Variants in ZFP1 observed in about 807,000 individuals in gnomAD.
ZFP1 encodes the protein ZFP1 zinc finger protein.
In ZFP1, 32 loss-of-function variants were observed where a neutral mutation model predicts 38.5. The ratio of observed to expected loss-of-function variants is 0.83; its 90% CI spans 0.63 to 1.12. The LOEUF (loss-of-function observed/expected upper bound fraction) is 1.12. ZFP1 is among the 50% of genes most tolerant of loss of function. ZFP1 has a pLI of 0.00. For synonymous variants in ZFP1, 245 were observed against 168.8 expected (o/e 1.45, Z -3.50); for missense variants, 616 against 480.8 (o/e 1.28, Z -2.63).
the ZFP1 span, among the ~76,000 whole-genome samples, chr16:75,121,240 A>G: frequency 6.2e-3 from 927 of 149,972 alleles, 6 homozygotes; most frequent in Admixed American, 0.014. Context: ...TCTGTACTCC[A>G]GAGAGTACAG....
At chr16:75,160,656 C>CAA (rs71158584) in intron 2 of ZFP1, among the ~76,000 whole-genome samples, 3 of 101,558 alleles carry the variant, frequency 3.0e-5, no homozygotes, top group Admixed American at 1.0e-4. Flanking sequence ...GAGACTGCCT[C>CAA]AAAAAAAAAA....
intron 1 of ZFP1, among the ~76,000 whole-genome samples, chr16:75,151,769 G>T (rs1294136431): frequency 1.8e-5 from 1 of 55,202 alleles, no homozygotes; most frequent in African/African-American, 3.8e-5. Flanking sequence ...TCATTTTAAC[G>T]ATTCTCGAGA....
the ZFP1 span, among the ~76,000 whole-genome samples, chr16:75,119,034 T>C: frequency 4.6e-5 from 7 of 152,208 alleles, no homozygotes; most frequent in Non-Finnish European, 1.5e-5. Flanking sequence ...CTTACGTATG[T>C]TGAGTGACGT....
the ZFP1 span, among the ~76,000 whole-genome samples, chr16:75,123,360 A>T: frequency 1.1e-4 from 15 of 141,726 alleles, no homozygotes; most frequent in African/African-American, 4.1e-4. Flanking sequence ...TAAAATATAT[A>T]TATGTGTATA....
intron 2 of ZFP1, among the ~76,000 whole-genome samples, chr16:75,155,369 A>G (rs1295514744): frequency 6.6e-6 from 1 of 152,214 alleles, no homozygotes; most frequent in Non-Finnish European, 1.5e-5. Context: ...CCTGAGCTCA[A>G]GCAATCCATG....
At chr16:75,162,421 C>G (rs1379463043) in intron 2 of ZFP1, among the ~76,000 whole-genome samples, 1 of 152,116 alleles carries the variant, frequency 6.6e-6, no homozygotes, top group East Asian at 1.9e-4. Flanking sequence ...TGCGTCCAGC[C>G]CAAGTATAGG....
intron 3 of ZFP1, among the ~76,000 whole-genome samples, chr16:75,168,610 T>G (rs1038166824): frequency 1.3e-5 from 2 of 152,180 alleles, no homozygotes; most frequent in African/African-American, 4.8e-5. Context: ...GTGTATCTCT[T>G]AGCGAATGAG....
At chr16:75,146,763 A>G (rs573275294), upstream of ZFP1, among the ~76,000 whole-genome samples, 1 of 152,132 alleles carries the variant, frequency 6.6e-6, no homozygotes, top group South Asian at 2.1e-4. Flanking sequence ...ACATGGCAAA[A>G]TGCCATCTCT....
chr16:75,119,400 CT>C, the ZFP1 span, among the ~76,000 whole-genome samples: 12,547 of 148,934 alleles, frequency 0.084, 628 homozygotes, highest in Admixed American at 0.13. Flanking sequence ...TACAACTCCT[CT>C]TTTTTTTTTG....
At chr16:75,149,247 C>T (rs1009261670) in intron 1 of ZFP1, 1 of 152,182 alleles carries the variant, frequency 6.6e-6, no homozygotes, top group Admixed American at 6.5e-5. Context: ...CCTAAGGTCT[C>T]ACAACCCGGT....
intron 1 of ZFP1, among the ~76,000 whole-genome samples, chr16:75,150,273 A>G (rs1277274246): frequency 6.9e-6 from 1 of 144,296 alleles, no homozygotes; most frequent in South Asian, 2.2e-4. Flanking sequence ...CAGTAGCGAG[A>G]TCTCGGCTCA....
intron 2 of ZFP1, among the ~76,000 whole-genome samples, chr16:75,162,084 C>G (rs184267196): frequency 2.6e-5 from 4 of 151,402 alleles, no homozygotes; most frequent in African/African-American, 9.7e-5. Context: ...CGTGCCCAGC[C>G]GAAATATTTT....
In ZFP1 at chr16:75,166,878, A is replaced by G; in HGVS notation, c.124A>G (p.Ser42Gly). 1 of 1,613,996 alleles carries G rather than the reference A, an allele frequency of 6.2e-7. No individual in the cohort carries two copies. The highest frequency in any genetic ancestry group is 8.5e-7 in the Non-Finnish European group (1 of 1,179,854). ...LYMDVMLENY[S>G]NLLSVEVWKA... ...CATGGATGTGATGCTGGAGAATTAT[A>G]GCAACTTACTTTCAGTGGGTAAGGA... The change falls in exon 3 of 4, where the codon AGC becomes GGC. Residue 42 changes from serine to glycine, a missense_variant. By Grantham distance (56) the Ser-to-Gly change is moderately conservative (BLOSUM62 0). Coordinates refer to ENST00000570010, the MANE Select transcript of ZFP1 (RefSeq NM_153688.4).
chr16:75,165,673 C>G (rs1209435180), intron 2 of ZFP1, among the ~76,000 whole-genome samples: 2 of 152,056 alleles, frequency 1.3e-5, no homozygotes, highest in African/African-American at 2.4e-5. Context: ...AGGCCTGAGC[C>G]TGGCCACCTC....
the ZFP1 span, among the ~76,000 whole-genome samples, chr16:75,136,971 G>A: frequency 6.6e-6 from 1 of 152,076 alleles, no homozygotes; most frequent in Non-Finnish European, 1.5e-5. Context: ...GTCAGCCAAG[G>A]GGTCCTAAAA....
chr16:75,127,891 A>G, the ZFP1 span: 2 of 152,270 alleles, frequency 1.3e-5, no homozygotes, highest in African/African-American at 4.8e-5. Context: ...ATACTCAAGA[A>G]CAAAATTCAG....
chr16:75,140,085 G>A, the ZFP1 span, among the ~76,000 whole-genome samples: 1 of 151,950 alleles, frequency 6.6e-6, no homozygotes, highest in Non-Finnish European at 1.5e-5. Flanking sequence ...CCTGACCAAC[G>A]TGGAGAAACC....
intron 2 of ZFP1, among the ~76,000 whole-genome samples, chr16:75,155,932 T>G (rs143033076): frequency 0.012 from 1,866 of 151,500 alleles, 22 homozygotes; most frequent in Non-Finnish European, 0.02. Context: ...TTGGTGGAGG[T>G]TTTTTTTTCC....
chr16:75,171,119 T>A lies in ZFP1; in HGVS notation c.*785T>A, dbSNP rs1257201913. On this transcript the variant is annotated 3_prime_UTR_variant, in exon 4 of 4. Transcript: ENST00000570010. ...ATAAGAGTTTGCCGTGTAAAGACAA[T>A]ATCCCCATTCGTCATGCTCTTATTT... 1 of 149,370 alleles carries A rather than the reference T, an allele frequency of 6.7e-6. No homozygotes were observed. The highest frequency in any genetic ancestry group is 2.0e-4 in the East Asian group (1 of 5,074). The allele number at this position is 149,370 out of a possible 1,614,324, so 9.3% of individuals were successfully genotyped here. A position where few individuals can be genotyped will look rare whatever the true frequency, so the allele number is the denominator to read the frequency against.
Sources: gnomAD v4.1 joint callset for allele counts (sites outside exome capture counted in the v4.1 genomes callset) on GRCh38, gnomAD v4.1.1 for gene constraint, MANE v1.5 for transcripts, NCBI Gene and HGNC (gene_info 2026-07-23, HGNC 2026-07-21) for gene names.